Variants in PDZRN3 observed in about 807,000 individuals in gnomAD.
PDZRN3 encodes E3 ubiquitin-protein ligase PDZRN3.
Under a neutral mutation model 85.7 loss-of-function variants are expected in PDZRN3, and 38 were observed. That is an observed-to-expected ratio of 0.44 (90% CI 0.34 to 0.58). The LOEUF is 0.58. Among genes scored for constraint, PDZRN3 ranks in the 20% least tolerant of loss-of-function variants. The pLI, the probability that PDZRN3 is intolerant of heterozygous loss-of-function variation, is 0.01. For missense variants in PDZRN3, 1,629 were observed against 1,506.4 expected (o/e 1.08, Z -1.35); for synonymous variants, 759 against 638.0 (o/e 1.19, Z -2.86).
chr3:73,503,038 T>C (rs545685130), intron 3 of PDZRN3, among the ~76,000 whole-genome samples: 2 of 152,378 alleles, frequency 1.3e-5, no homozygotes, highest in East Asian at 1.9e-4. Context: ...GAGAATATTA[T>C]ACTATCATGG....
In PDZRN3 at chr3:73,383,821, C is replaced by T. The variant is rs778810329; in HGVS notation, c.2745G>A (p.Ser915=). ...MCKDLSSPTP[S]EPRMEWKVKI... ...TCACCTTCCACTCCATGCGCGGCTC[C>T]GACGGGGTGGGAGAGCTCAGGTCCT... The change falls in exon 10 of 10, where the codon TCG becomes TCA. Residue 915 remains serine (S), a synonymous_variant. Coordinates refer to ENST00000263666, the MANE Select transcript of PDZRN3 (RefSeq NM_015009.3). The T allele has an allele frequency of 8.1e-6, 13 of 1,613,432 alleles. No individual in the cohort carries two copies. Among genetic ancestry groups the T allele is most frequent in the Admixed American group, 1.7e-5 (1 of 60,008 alleles).
intron 3 of PDZRN3, among the ~76,000 whole-genome samples, chr3:73,475,233 A>G (rs950111545): frequency 3.9e-5 from 6 of 152,052 alleles, no homozygotes; most frequent in Non-Finnish European, 7.4e-5. Flanking sequence ...CCCTGCAAAA[A>G]CCCTCCACTG....
intron 3 of PDZRN3, among the ~76,000 whole-genome samples, chr3:73,560,744 A>T (rs567181865): frequency 2.2e-4 from 34 of 152,258 alleles, no homozygotes; most frequent in Non-Finnish European, 4.1e-4. Flanking sequence ...TAGAACACAG[A>T]TATTTCTGTA....
intron 3 of PDZRN3, among the ~76,000 whole-genome samples, chr3:73,546,568 C>T (rs1016400504): frequency 6.6e-6 from 1 of 152,172 alleles, no homozygotes; most frequent in African/African-American, 2.4e-5. Context: ...AATGGCTTCC[C>T]CTGCCATGGG....
intron 3 of PDZRN3, among the ~76,000 whole-genome samples, chr3:73,576,340 T>C (rs927743931): frequency 6.6e-6 from 1 of 152,216 alleles, no homozygotes; most frequent in African/African-American, 2.4e-5. Flanking sequence ...CTGATATCTA[T>C]ATACGTGATA....
intron 3 of PDZRN3, among the ~76,000 whole-genome samples, chr3:73,495,793 T>C (rs1703855539): frequency 6.6e-6 from 1 of 152,242 alleles, no homozygotes. Flanking sequence ...AGAAAGTTTA[T>C]GTAAATGAAA....
rs763096684 is a variant in PDZRN3 at position 73,624,140 on chromosome 3, G to C, written c.686C>G (p.Ser229Trp). 61 of 1,489,790 alleles carry C rather than the reference G, an allele frequency of 4.1e-5. No individual in the cohort carries two copies. Among genetic ancestry groups the C allele is most frequent in the Non-Finnish European group, 5.0e-5 (56 of 1,126,284 alleles). 92.3% of individuals were successfully genotyped at this position (1,489,790 alleles called of 1,614,324 possible). ...KFTEYSARLD[S>W]LSRCVAAPPG... Reference sequence around the variant, plus strand: ...CGGCGCGGCCACGCAGCGGCTGAGCGAGTCGAGGCGCGCGCTGTATTCGGT... The same window carrying C: ...CGGCGCGGCCACGCAGCGGCTGAGCCAGTCGAGGCGCGCGCTGTATTCGGT... The change falls in exon 1 of 10, where the codon TCG (serine) becomes TGG (tryptophan). Residue 229 changes from serine (S) to tryptophan (W), a missense_variant. By Grantham distance (177) the Ser-to-Trp change is radical. Coordinates refer to ENST00000263666, the MANE Select transcript of PDZRN3 (RefSeq NM_015009.3).
chr3:73,494,396 G>A (rs1050257812), intron 3 of PDZRN3, among the ~76,000 whole-genome samples: 2 of 152,176 alleles, frequency 1.3e-5, no homozygotes, highest in African/African-American at 4.8e-5. Context: ...TTGGTTAACT[G>A]TAAAGCTCAA....
At chr3:73,521,805 C>CA (rs1482752618) in intron 3 of PDZRN3, among the ~76,000 whole-genome samples, 4 of 152,162 alleles carry the variant, frequency 2.6e-5, no homozygotes, top group Non-Finnish European at 4.4e-5. Context: ...GGCTGTCATG[C>CA]AGTAGCAGGC....
At chr3:73,520,283 CTGTT>C (rs1704333366) in intron 3 of PDZRN3, among the ~76,000 whole-genome samples, 1 of 152,018 alleles carries the variant, frequency 6.6e-6, no homozygotes, top group Non-Finnish European at 1.5e-5. Context: ...GGTGGGAGGG[CTGTT>C]TGATCCCAGA....
chr3:73,385,344 A>C (rs985326999), intron 9 of PDZRN3, among the ~76,000 whole-genome samples: 1 of 152,230 alleles, frequency 6.6e-6, no homozygotes, highest in Admixed American at 6.5e-5. Flanking sequence ...AGCTCCTGTT[A>C]AACAGAGGGG....
Position 73,433,877 on chromosome 3 carries a change from C to G in PDZRN3, c.919-29482G>C, listed in dbSNP as rs183591847. On this transcript the variant is annotated intron_variant, in intron 3 of 9. Coordinates refer to ENST00000263666, the MANE Select transcript of PDZRN3 (RefSeq NM_015009.3). ...GAGGCTAGACAACAACTCTCTCCCC[C>G]CTTCCACGCTTCCCTTCCTCCCCTC... 1.1e-3 allele frequency: 1,557 copies of G among 1,433,374 alleles called. 6 individuals are homozygous for G. The highest frequency in any genetic ancestry group is 2.5e-3 in the South Asian group (164 of 66,382). The allele number at this position is 1,433,374 out of a possible 1,614,324, so 88.8% of individuals were successfully genotyped here.
chr3:73,410,370 A>T (rs1462681581), intron 3 of PDZRN3, among the ~76,000 whole-genome samples: 3 of 152,162 alleles, frequency 2.0e-5, no homozygotes, highest in African/African-American at 4.8e-5. Flanking sequence ...TGAGGAAAGT[A>T]CGTCTACTTC....
intron 3 of PDZRN3, among the ~76,000 whole-genome samples, chr3:73,599,442 G>T (rs1702478440): frequency 1.3e-5 from 2 of 152,204 alleles, no homozygotes; most frequent in Non-Finnish European, 2.9e-5. Context: ...GAGGGAGTTA[G>T]TATTTAGTGA....
chr3:73,491,341 C>G (rs1703766464), intron 3 of PDZRN3, among the ~76,000 whole-genome samples: 1 of 152,156 alleles, frequency 6.6e-6, no homozygotes. Context: ...GGAGGGGAAT[C>G]TTGATATCTG....
intron 2 of PDZRN3, among the ~76,000 whole-genome samples, chr3:73,603,155 C>T (rs1054290291): frequency 6.6e-6 from 1 of 152,172 alleles, no homozygotes; most frequent in African/African-American, 2.4e-5. Context: ...CTCATTTGCA[C>T]AGAATGTTAT....
At chr3:73,530,790 G>A (rs1402037404) in intron 3 of PDZRN3, among the ~76,000 whole-genome samples, 1 of 152,128 alleles carries the variant, frequency 6.6e-6, no homozygotes, top group African/African-American at 2.4e-5. Flanking sequence ...TTAAGAAAGA[G>A]ATGTCATTAA....
At chr3:73,553,729 G>T (rs756259218) in intron 3 of PDZRN3, among the ~76,000 whole-genome samples, 1 of 152,156 alleles carries the variant, frequency 6.6e-6, no homozygotes, top group Non-Finnish European at 1.5e-5. Flanking sequence ...TTCAGAACAC[G>T]CAGGAAGAAA....
chr3:73,547,202 G>A (rs538733648), intron 3 of PDZRN3, among the ~76,000 whole-genome samples: 42 of 152,268 alleles, frequency 2.8e-4, no homozygotes, highest in African/African-American at 9.4e-4. Flanking sequence ...GCCGAACTCT[G>A]GAAACAGGTT....
Sources: allele counts gnomAD v4.1 joint callset (sites outside exome capture counted in the v4.1 genomes callset), GRCh38; gene constraint gnomAD v4.1.1; transcripts MANE v1.5; gene names NCBI Gene and HGNC (gene_info 2026-07-23, HGNC 2026-07-21).